Variants in SPEN observed in about 807,000 individuals in gnomAD.
The protein encoded by SPEN is msx2-interacting protein.
In SPEN, 18 loss-of-function variants were observed where a neutral mutation model predicts 269.9. That is an observed-to-expected ratio of 0.07 (90% confidence interval 0.05 to 0.10). The LOEUF (loss-of-function observed/expected upper bound fraction) is 0.10. Ranked by LOEUF, SPEN falls within the 10% of genes least tolerant of loss-of-function variation. The probability of loss-of-function intolerance (pLI) is 1.00; values close to 1 mark genes in which losing one functional copy is unlikely to be tolerated. For synonymous variants in SPEN, 1,726 were observed against 1,765.7 expected (o/e 0.98, Z 0.56); for missense variants, 3,822 against 4,631.2 (o/e 0.83, Z 5.07).
Position 15,848,141 on chromosome 1 carries a change from A to G in SPEN, c.74A>G (p.His25Arg). 6.7e-7 allele frequency: 1 copy of G among 1,491,624 alleles called. No homozygotes were observed. Among genetic ancestry groups the G allele is most frequent in the Non-Finnish European group, 9.0e-7 (1 of 1,111,976 alleles). 92.4% of individuals were successfully genotyped at this position (1,491,624 alleles called of 1,614,324 possible). ...GTGCGGGAAGAGAAGATCATCGAGC[A>G]TTTCAAACGGTGAGTGACACGAGGC... is the stretch of plus-strand genomic sequence containing the variant. ...ENVREEKIIE[H>R]FKRYGRVESV... Residue 25 changes from histidine (H) to arginine (R), a missense_variant, in exon 1 of 15, where the codon CAT becomes CGT. Coordinates refer to ENST00000375759, the MANE Select transcript of SPEN (RefSeq NM_015001.3). This position sits in a 1 kb window ranked among gnomAD's most constrained non-coding sequence, Gnocchi z 5.1.
chr1:15,876,784 G>A (rs1163092453), intron 3 of SPEN, 106 bp downstream of exon 3: 1 of 859,608 alleles, frequency 1.2e-6, no homozygotes, highest in Non-Finnish European at 1.9e-6. Context: ...AGTAATCTTG[G>A]ATCATATATG....
chr1:15,901,200 A>T (rs895814080), intron 3 of SPEN, among the ~76,000 whole-genome samples: 1 of 150,984 alleles, frequency 6.6e-6, no homozygotes, highest in African/African-American at 2.4e-5. Context: ...AAAAAAAAAA[A>T]GGTGTAGGGG....
At chr1:15,878,414 T>C (rs2070653759) in intron 3 of SPEN, among the ~76,000 whole-genome samples, 1 of 152,186 alleles carries the variant, frequency 6.6e-6, no homozygotes, top group East Asian at 1.9e-4. Context: ...TCTGGAAGAT[T>C]TGCATATTAA....
intron 3 of SPEN, among the ~76,000 whole-genome samples, chr1:15,880,639 A>G (rs903043311): frequency 6.6e-6 from 1 of 151,662 alleles, no homozygotes; most frequent in Non-Finnish European, 1.5e-5. Context: ...ATTTTTTAGT[A>G]GAGACAGGGG....
intron 3 of SPEN, among the ~76,000 whole-genome samples, chr1:15,892,380 T>C (rs1300606887): frequency 6.6e-6 from 1 of 152,196 alleles, no homozygotes; most frequent in Admixed American, 6.6e-5. Flanking sequence ...GTGGCTTATA[T>C]TTCTACTGGA....
intron 1 of SPEN, among the ~76,000 whole-genome samples, chr1:15,862,314 G>A (rs1282307189): frequency 6.6e-6 from 1 of 152,136 alleles, no homozygotes; most frequent in Non-Finnish European, 1.5e-5. Flanking sequence ...GTTCTTCCTA[G>A]AAAAGTACTA....
At chr1:15,857,970 A>G (rs980221698) in intron 1 of SPEN, among the ~76,000 whole-genome samples, 4 of 152,118 alleles carry the variant, frequency 2.6e-5, no homozygotes, top group African/African-American at 9.7e-5. Flanking sequence ...TCTATTAAAA[A>G]TACAAAAATT....
Position 15,930,740 on chromosome 1 carries a change from T to G in SPEN, c.4500T>G (p.Ile1500Met). ...IPSWYMKKKK[I>M]RTDSEGKMDD... Reference sequence around the variant, plus strand: ...CCTGGTACATGAAAAAGAAGAAAATTAGGACTGATTCAGAAGGGAAAATGG... The same window carrying G: ...CCTGGTACATGAAAAAGAAGAAAATGAGGACTGATTCAGAAGGGAAAATGG... The change falls in exon 11 of 15, where the codon ATT becomes ATG. Residue 1500 changes from isoleucine (I) to methionine (M), a missense_variant. Transcript: ENST00000375759. The surrounding 1 kb of genome is among the most constrained non-coding windows in gnomAD (Gnocchi z 5.3). 1.2e-6 allele frequency: 2 copies of G among 1,613,870 alleles called. No homozygotes were observed. The highest frequency in any genetic ancestry group is 1.7e-6 in the Non-Finnish European group (2 of 1,179,978).
intron 9 of SPEN, among the ~76,000 whole-genome samples, chr1:15,921,587 CAGTT>C (rs1459591487): frequency 6.6e-6 from 1 of 152,162 alleles, no homozygotes; most frequent in Non-Finnish European, 1.5e-5. Context: ...GGCTTGACCA[CAGTT>C]ATGGGTATCT....
At chr1:15,892,495 A>C (rs1007576608) in intron 3 of SPEN, among the ~76,000 whole-genome samples, 1 of 152,020 alleles carries the variant, frequency 6.6e-6, no homozygotes, top group Non-Finnish European at 1.5e-5. Flanking sequence ...AGAGTTTGTT[A>C]TTTTTCTTTT....
chr1:15,878,892 C>T (rs1359786889), intron 3 of SPEN, among the ~76,000 whole-genome samples: 4 of 149,658 alleles, frequency 2.7e-5, no homozygotes, highest in South Asian at 2.1e-4. Flanking sequence ...TGCCTGTAAT[C>T]GCAGTTACTC....
At position 15,928,626 on chromosome 1, in the gene SPEN, A is replaced by C. The variant is rs749597868; in HGVS notation, c.2386A>C (p.Thr796Pro). ...TKNEKTDKER[T>P]FDPERVERER... Reference sequence around the variant, plus strand: ...AAATGAAAAGACAGATAAAGAACGAACTTTTGATCCGGAGAGAGTGGAGAG... The same window carrying C: ...AAATGAAAAGACAGATAAAGAACGACCTTTTGATCCGGAGAGAGTGGAGAG... The change falls in exon 11 of 15, where the codon ACT becomes CCT. Residue 796 changes from threonine to proline, a missense_variant. By Grantham distance (38) the Thr-to-Pro change is conservative. Transcript: ENST00000375759. The surrounding 1 kb of genome is among the most constrained non-coding windows in gnomAD (Gnocchi z 5.7). The C allele has an allele frequency of 4.3e-6, 7 of 1,613,860 alleles. No homozygotes were observed. Among genetic ancestry groups the C allele is most frequent in the Non-Finnish European group, 5.9e-6 (7 of 1,180,000 alleles).
chr1:15,849,550 C>G (rs2070312084), intron 1 of SPEN, among the ~76,000 whole-genome samples: 1 of 149,114 alleles, frequency 6.7e-6, no homozygotes, highest in African/African-American at 2.5e-5. Flanking sequence ...CTCGGCAGGC[C>G]GGGGGGAGGT....
intron 10 of SPEN, among the ~76,000 whole-genome samples, chr1:15,925,594 A>G (rs969173170): frequency 7.0e-6 from 1 of 143,826 alleles, no homozygotes; most frequent in Non-Finnish European, 1.5e-5. Flanking sequence ...TTTTTATTAA[A>G]TTTTTTTTTT....
In SPEN at chr1:15,931,184, A is replaced by C; in HGVS notation, c.4944A>C (p.Glu1648Asp). 6.2e-7 allele frequency: 1 copy of C among 1,614,200 alleles called. No homozygotes were observed. Among genetic ancestry groups the C allele is most frequent in the Middle Eastern group, 1.6e-4 (1 of 6,062 alleles). The change falls in exon 11 of 15, where the codon GAA (glutamate) becomes GAC (aspartate). Residue 1648 changes from glutamate to aspartate, a missense_variant. Physicochemically the swap from Glu to Asp is conservative, Grantham distance 45. Transcript: ENST00000375759. The surrounding 1 kb of genome is among the most constrained non-coding windows in gnomAD (Gnocchi z 4.8). ...GPPSVTVVTL[E>D]SAPSALEKTT... ...CAAGTGTCACAGTCGTAACTCTAGAATCAGCCCCATCAGCACTAGAGAAGA... is the reference window on the plus strand; with the variant it reads ...CAAGTGTCACAGTCGTAACTCTAGACTCAGCCCCATCAGCACTAGAGAAGA...
intron 10 of SPEN, among the ~76,000 whole-genome samples, chr1:15,925,047 A>G (rs992245618): frequency 1.3e-5 from 2 of 152,234 alleles, no homozygotes; most frequent in Non-Finnish European, 2.9e-5. Flanking sequence ...AATGCTAATG[A>G]TAAGCTCAGG....
At chr1:15,857,930 C>G (rs1284210630) in intron 1 of SPEN, among the ~76,000 whole-genome samples, 2 of 151,984 alleles carry the variant, frequency 1.3e-5, no homozygotes, top group African/African-American at 4.8e-5. Flanking sequence ...GAGATCGAGA[C>G]CATCCTGGCC....
At chr1:15,874,957 T>A (rs527932653) in intron 2 of SPEN, among the ~76,000 whole-genome samples, 1 of 152,268 alleles carries the variant, frequency 6.6e-6, no homozygotes. Flanking sequence ...AAGCATGTAC[T>A]GGGGATCTGG....
Position 15,934,229 on chromosome 1 carries a change from C to A in SPEN, c.7989C>A (p.Val2663=). Residue 2663 remains valine (V), a synonymous_variant, in exon 11 of 15, where the codon GTC becomes GTA. Transcript: ENST00000375759. The surrounding 1 kb of genome is among the most constrained non-coding windows in gnomAD (Gnocchi z 9.2). The part of the protein sequence containing the change: ...ALTGLVNVSL[V]PVNALKGPVK... ...CTGGCCTGGTGAACGTCTCCCTGGT[C>A]CCGGTGAATGCCCTGAAAGGCCCCG... 6.2e-7 allele frequency: 1 copy of A among 1,614,254 alleles called. No homozygotes were observed. Among genetic ancestry groups the A allele is most frequent in the Non-Finnish European group, 8.5e-7 (1 of 1,180,044 alleles).
Sources: gnomAD v4.1 joint callset for allele counts (sites outside exome capture counted in the v4.1 genomes callset) on GRCh38, gnomAD v4.1.1 for gene constraint, Gnocchi (gnomAD v3.1) non-coding constraint, MANE v1.5 for transcripts, NCBI Gene and HGNC (gene_info 2026-07-23, HGNC 2026-07-21) for gene names.